SCARB2: variants seen among roughly 807,000 people sequenced by gnomAD.
SCARB2 encodes the protein lysosome membrane protein 2.
SCARB2 carries 29 observed loss-of-function variants against 58.6 expected under a neutral mutation model. The observed-to-expected ratio is 0.49, with a 90% CI of 0.37 to 0.67. The LOEUF (loss-of-function observed/expected upper bound fraction) is 0.67, where lower values mean the gene tolerates loss of function less well. Ranked by LOEUF, SCARB2 falls within the 30% of genes least tolerant of loss-of-function variation. The probability of loss-of-function intolerance (pLI) is 0.00; values close to 1 mark genes in which losing one functional copy is unlikely to be tolerated. For missense variants in SCARB2, 488 were observed against 578.5 expected (o/e 0.84, Z 1.60); for synonymous variants, 195 against 210.1 (o/e 0.93, Z 0.62).
chr4:76,206,797 C>T (rs919580742), intron 1 of SCARB2, among the ~76,000 whole-genome samples: 1 of 151,762 alleles, frequency 6.6e-6, no homozygotes, highest in Admixed American at 6.6e-5. Context: ...GATATGAATG[C>T]TCTTGTCTAC....
At chr4:76,217,832 G>C (rs1438471894), upstream of SCARB2, 1 of 402,614 alleles carries the variant, frequency 2.5e-6, no homozygotes, top group East Asian at 3.5e-5. Flanking sequence ...GATTGCTGGT[G>C]CCTGTTGAAA....
At chr4:76,186,701 C>T (rs537786964) in intron 2 of SCARB2, among the ~76,000 whole-genome samples, 14 of 152,304 alleles carry the variant, frequency 9.2e-5, no homozygotes, top group African/African-American at 2.2e-4. Flanking sequence ...CATAGGCTCA[C>T]GTAGGCAATT....
upstream of SCARB2, chr4:76,214,218 G>A (rs2109975473): frequency 2.2e-6 from 1 of 454,472 alleles, no homozygotes; most frequent in Non-Finnish European, 4.4e-6. Context: ...CGGGGACACC[G>A]TTACCGCAAT....
chr4:76,175,895 C>T lies in SCARB2; in HGVS notation c.720G>A (p.Trp240Ter). Residue 240 changes from tryptophan (W) to a stop codon, truncating the protein, a stop_gained, in exon 6 of 12, where the codon TGG becomes TGA. Transcript: ENST00000264896. LOFTEE classifies it high-confidence loss of function. ...EWNGKTSLDW[W>*]ITDKCNMING... ...TAATCATATTGCACTTGTCTGTTAT[C>T]CACCAGTCAAGTGACCTATAATTGA... 1.2e-6 allele frequency: 2 copies of T among 1,613,716 alleles called. No individual in the cohort carries two copies. Among genetic ancestry groups the T allele is most frequent in the Non-Finnish European group, 1.7e-6 (2 of 1,179,938 alleles).
chr4:76,170,426 G>A (rs891921419), intron 7 of SCARB2, among the ~76,000 whole-genome samples: 17 of 152,156 alleles, frequency 1.1e-4, no homozygotes, highest in African/African-American at 4.1e-4. Flanking sequence ...AATACTAAGT[G>A]AATGAAGGGT....
At chr4:76,209,471 C>G (rs561162957) in intron 1 of SCARB2, among the ~76,000 whole-genome samples, 1 of 152,144 alleles carries the variant, frequency 6.6e-6, no homozygotes, top group Non-Finnish European at 1.5e-5. Flanking sequence ...CGGATTCAAG[C>G]GATTCTCCTG....
intron 1 of SCARB2, among the ~76,000 whole-genome samples, chr4:76,224,913 C>T (rs1399089697): frequency 6.6e-6 from 1 of 152,010 alleles, no homozygotes; most frequent in East Asian, 1.9e-4. Context: ...TCCTACCCTT[C>T]CCCCCAAGTC....
chr4:76,171,549 G>A lies in SCARB2; in HGVS notation c.995-1564C>T, dbSNP rs547427732. On this transcript the variant is annotated intron_variant, in intron 7 of 11. Transcript: ENST00000264896. ...CACTTCAGTCCAAATTCGGGAATAC[G>A]TTAAGAGGGAAGAGGAAAAGGATTG... 1.2e-3 allele frequency among the ~76,000 whole-genome samples: 180 copies of A among 152,274 alleles called. 1 individual carries two copies. The highest frequency in any genetic ancestry group is 1.9e-3 in the Non-Finnish European group (128 of 68,026).
chr4:76,163,077 CA>C, intron 11 of SCARB2, 147 bp downstream of exon 11: 1 of 958,690 alleles, frequency 1.0e-6, no homozygotes, highest in Middle Eastern at 2.1e-4. Context: ...TTTGGTCCAG[CA>C]GTAAAATAAG....
At chr4:76,216,553 C>A (rs1733211337), upstream of SCARB2, among the ~76,000 whole-genome samples, 1 of 152,070 alleles carries the variant, frequency 6.6e-6, no homozygotes, top group African/African-American at 2.4e-5. Context: ...GTCTGGGCCA[C>A]CAGGACAGTA....
intron 1 of SCARB2, among the ~76,000 whole-genome samples, chr4:76,203,426 A>G (rs1274197882): frequency 6.6e-6 from 1 of 152,214 alleles, no homozygotes; most frequent in African/African-American, 2.4e-5. Context: ...ATCCATCCCA[A>G]TATTGGTGTT....
intron 1 of SCARB2, among the ~76,000 whole-genome samples, chr4:76,206,430 A>G (rs1732932798): frequency 6.6e-6 from 1 of 152,142 alleles, no homozygotes; most frequent in South Asian, 2.1e-4. Context: ...AGAAGCTGGA[A>G]ATCTGGACCA....
intron 10 of SCARB2, chr4:76,166,005 C>T: frequency 6.8e-6 from 4 of 589,624 alleles, no homozygotes; most frequent in Non-Finnish European, 1.2e-5. Context: ...AGCAGCTCCC[C>T]AGAAGGGAGT....
upstream of SCARB2, chr4:76,217,631 C>A: frequency 3.1e-6 from 2 of 652,458 alleles, no homozygotes; most frequent in Non-Finnish European, 5.6e-6. Context: ...TGCCGTGCGT[C>A]TTGTCCAGCC....
At chr4:76,169,823 G>T in intron 8 of SCARB2, 44 bp downstream of exon 8, 1 of 1,439,562 alleles carries the variant, frequency 6.9e-7, no homozygotes, top group Non-Finnish European at 9.8e-7. Flanking sequence ...TGTATAGACA[G>T]AATAAAACAT....
At chr4:76,199,361 T>C (rs2109963792) in intron 1 of SCARB2, among the ~76,000 whole-genome samples, 1 of 152,352 alleles carries the variant, frequency 6.6e-6, no homozygotes, top group Non-Finnish European at 1.5e-5. Flanking sequence ...AATTTTATAA[T>C]ATAATTATGT....
At chr4:76,204,804 T>C (rs1031706675) in intron 1 of SCARB2, among the ~76,000 whole-genome samples, 1 of 152,210 alleles carries the variant, frequency 6.6e-6, no homozygotes, top group African/African-American at 2.4e-5. Flanking sequence ...GTTGTGATTA[T>C]ATCTCTCAAA....
intron 7 of SCARB2, 27 bp downstream of exon 7, chr4:76,174,117 T>C (rs765973592): frequency 1.7e-5 from 28 of 1,612,426 alleles, no homozygotes; most frequent in Non-Finnish European, 2.0e-5. Flanking sequence ...TTGACACCCC[T>C]ATCATGTCCC....
chr4:76,214,954 T>C (rs1733172691), upstream of SCARB2, among the ~76,000 whole-genome samples: 2 of 152,220 alleles, frequency 1.3e-5, no homozygotes, highest in South Asian at 2.1e-4. Context: ...GCATTTGATA[T>C]ATATACAGTC....
Sources: gnomAD v4.1 joint callset for allele counts (sites outside exome capture counted in the v4.1 genomes callset) on GRCh38, gnomAD v4.1.1 for gene constraint, MANE v1.5 for transcripts, NCBI Gene and HGNC (gene_info 2026-07-23, HGNC 2026-07-21) for gene names.